Variants in STK36 observed in about 807,000 individuals in gnomAD.
The protein encoded by STK36 is serine/threonine-protein kinase 36.
STK36 carries 116 observed loss-of-function variants against 142.2 expected under a neutral mutation model. The observed-to-expected ratio is 0.82, with a 90% CI of 0.70 to 0.95. The LOEUF is 0.95. Ranked by LOEUF, STK36 falls within the 40% of genes least tolerant of loss-of-function variation. The probability of loss-of-function intolerance (pLI) is 0.00; values close to 1 mark genes in which losing one functional copy is unlikely to be tolerated. For synonymous variants in STK36, 619 were observed against 641.7 expected, an observed-to-expected ratio of 0.96 and a Z score of 0.53; for missense variants, 1,422 against 1,617.2, an observed-to-expected ratio of 0.88 and a Z score of 2.07.
At position 218,692,727 on chromosome 2, in the gene STK36, G is replaced by A. The variant is rs916101735; in HGVS notation, c.2043+17G>A. 13 of 1,605,738 alleles carry A rather than the reference G, an allele frequency of 8.1e-6. No individual in the cohort carries two copies. Among genetic ancestry groups the A allele is most frequent in the South Asian group, 2.2e-5 (2 of 89,892 alleles). On this transcript the variant is annotated intron_variant, in intron 16 of 26. Coordinates refer to ENST00000295709, the MANE Select transcript of STK36 (RefSeq NM_015690.5). ...AAGGAGCAGGTCCGAGCTACAATTG[G>A]TTGTTCCTCTCATCCTACTGCCAGA...
chr2:218,690,481 T>C lies in STK36; in HGVS notation c.1690T>C (p.Phe564Leu). The C allele has an allele frequency of 6.2e-7, 1 of 1,614,148 alleles. No individual in the cohort carries two copies. The highest frequency in any genetic ancestry group is 8.5e-7 in the Non-Finnish European group (1 of 1,180,024). Residue 564 changes from phenylalanine to leucine, a missense_variant, in exon 14 of 27, where the codon TTT (phenylalanine) becomes CTT (leucine). By Grantham distance (22) the Phe-to-Leu change is conservative. Transcript: ENST00000295709. The part of the protein sequence containing the change: ...LQVFQEAANL[F>L]LDLLGKLLAQ... ...GGTGTTTCAGGAGGCTGCCAACCTT[T>C]TTCTGGACCTGTTGGGGAAACTGCT...
chr2:218,683,361 G>C (rs1461108332), intron 10 of STK36, among the ~76,000 whole-genome samples: 1 of 150,778 alleles, frequency 6.6e-6, no homozygotes, highest in Non-Finnish European at 1.5e-5. Context: ...TGCAACCGCC[G>C]CCTCCCAGGT....
intron 10 of STK36, among the ~76,000 whole-genome samples, chr2:218,683,027 T>G (rs1940602879): frequency 6.6e-6 from 1 of 152,224 alleles, no homozygotes; most frequent in South Asian, 2.1e-4. Flanking sequence ...ATTGATTATT[T>G]CCTAATGAAT....
At chr2:218,682,566 C>G (rs1940575184) in intron 10 of STK36, among the ~76,000 whole-genome samples, 1 of 152,040 alleles carries the variant, frequency 6.6e-6, no homozygotes, top group African/African-American at 2.4e-5. Flanking sequence ...GCTCCATGAT[C>G]CAATCCAGTA....
At chr2:218,701,241 T>C (rs563929104) in intron 26 of STK36, among the ~76,000 whole-genome samples, 1 of 151,168 alleles carries the variant, frequency 6.6e-6, no homozygotes, top group Non-Finnish European at 1.5e-5. Context: ...TTCACGCCAT[T>C]CTGCCTCAGC....
chr2:218,690,456 G>T lies in STK36; in HGVS notation c.1665G>T (p.Gln555His). 2 of 1,614,048 alleles carry T rather than the reference G, an allele frequency of 1.2e-6. No homozygotes were observed. The highest frequency in any genetic ancestry group is 1.7e-6 in the Non-Finnish European group (2 of 1,179,970). The change falls in exon 14 of 27, where the codon CAG (glutamine) becomes CAT (histidine). Residue 555 changes from glutamine to histidine, a missense_variant. Transcript: ENST00000295709. ...LERSQTSDSL[Q>H]VFQEAANLFL... ...GCTCATTTTCCACCCCCAGCCTGCA[G>T]GTGTTTCAGGAGGCTGCCAACCTTT...
At chr2:218,683,337 C>T (rs1462081148) in intron 10 of STK36, among the ~76,000 whole-genome samples, 2 of 150,760 alleles carry the variant, frequency 1.3e-5, no homozygotes, top group Non-Finnish European at 2.9e-5. Context: ...TGCAGTGGCA[C>T]GATCTTGGCT....
chr2:218,686,582 A>C (rs1207252826), intron 11 of STK36, among the ~76,000 whole-genome samples: 1 of 152,116 alleles, frequency 6.6e-6, no homozygotes, highest in African/African-American at 2.4e-5. Context: ...ATTTACAGTT[A>C]ATCATTATTC....
chr2:218,677,375 G>A (rs1208391989), intron 6 of STK36, among the ~76,000 whole-genome samples: 4 of 152,248 alleles, frequency 2.6e-5, no homozygotes, highest in African/African-American at 9.6e-5. Context: ...TTCGACATGA[G>A]ATTTGGACGG....
In STK36 at chr2:218,699,189, T is replaced by C. The variant is rs770346965; in HGVS notation, c.3645T>C (p.Ala1215=). The part of the protein sequence containing the change: ...QAGIRRNVAS[A]LGNLGPEGLG... ...GTATCCGGCGCAATGTTGCATCAGC[T>C]CTGGGCAACTTGGGACCTGAAGGTT... Residue 1215 remains alanine, a synonymous_variant, in exon 26 of 27, where the codon GCT becomes GCC. Transcript: ENST00000295709. The C allele has an allele frequency of 5.6e-6, 9 of 1,614,050 alleles. No homozygotes were observed. The highest frequency in any genetic ancestry group is 3.3e-4 in the Middle Eastern group (2 of 6,062).
chr2:218,676,335 T>A (rs1940244812), intron 6 of STK36, 57 bp downstream of exon 6: 21 of 1,586,360 alleles, frequency 1.3e-5, no homozygotes, highest in Non-Finnish European at 1.6e-5. Flanking sequence ...TCCCTCTATC[T>A]CTGTTCCTTT....
rs548085864 is a variant in STK36 at position 218,699,408 on chromosome 2, C to A, written c.3804+60C>A. On this transcript the variant is annotated intron_variant, in intron 26 of 26. Coordinates refer to ENST00000295709, the MANE Select transcript of STK36 (RefSeq NM_015690.5). ...AGGGCCCCTATAGTTGACAACATTT[C>A]TCTGAGATCATCTGTAAGGAATTGG... 75 of 1,555,670 alleles carry A rather than the reference C, an allele frequency of 4.8e-5. No homozygotes were observed. The African/African-American group carries it at 7.1e-4, about 15-fold the overall frequency.
At chr2:218,689,785 C>G (rs1220526479) in intron 12 of STK36, 74 bp from the exon 13 acceptor site, 1 of 1,401,348 alleles carries the variant, frequency 7.1e-7, no homozygotes, top group African/African-American at 1.4e-5. Context: ...TCTATACACC[C>G]TTTCTACTGT....
At chr2:218,686,202 G>T (rs1940770843) in intron 11 of STK36, among the ~76,000 whole-genome samples, 1 of 152,046 alleles carries the variant, frequency 6.6e-6, no homozygotes, top group Non-Finnish European at 1.5e-5. Flanking sequence ...GCCTCCCAAA[G>T]TGCTGGGATT....
At chr2:218,696,397 C>A (rs1487009817) in intron 21 of STK36, 130 bp from the exon 22 acceptor site, 4 of 746,040 alleles carry the variant, frequency 5.4e-6, no homozygotes, top group Admixed American at 2.1e-5. Flanking sequence ...TTCCCCCAGG[C>A]CCCATATATT....
intron 2 of STK36, 123 bp downstream of exon 2, chr2:218,673,036 T>C (rs1201589728): frequency 1.2e-6 from 1 of 834,476 alleles, no homozygotes; most frequent in South Asian, 1.7e-5. Context: ...TCCCTCATAC[T>C]TCTTATGGAG....
At position 218,694,140 on chromosome 2, in the gene STK36, T is replaced by A; in HGVS notation, c.2337-124T>A. 8.5e-7 allele frequency: 1 copy of A among 1,175,060 alleles called. No individual in the cohort carries two copies. The highest frequency in any genetic ancestry group is 1.3e-5 in the South Asian group (1 of 78,914). The allele number at this position is 1,175,060 out of a possible 1,614,324, so 72.8% of individuals were successfully genotyped here. ...TACAAAGAACAGACCTAGACTCCCA[T>A]CAACTTTGTGCCTTGGAGGTAGACA... On this transcript the variant is annotated intron_variant, in intron 19 of 26. Transcript: ENST00000295709. The surrounding 1 kb of genome is among the most constrained non-coding windows in gnomAD (Gnocchi z 4.4).
At chr2:218,693,645 G>T in intron 17 of STK36, 78 bp from the exon 18 acceptor site, 1 of 1,331,236 alleles carries the variant, frequency 7.5e-7, no homozygotes, top group Non-Finnish European at 1.1e-6. Flanking sequence ...GGGGCTGGCC[G>T]GTGTTTCCGC....
intron 9 of STK36, 40 bp downstream of exon 9, chr2:218,680,120 C>T (rs755898429): frequency 2.5e-6 from 4 of 1,589,558 alleles, no homozygotes; most frequent in African/African-American, 2.7e-5. Flanking sequence ...GGTGAGGTAT[C>T]TTGCACATCT....
Sources: gnomAD v4.1 joint callset for allele counts (sites outside exome capture counted in the v4.1 genomes callset) on GRCh38, gnomAD v4.1.1 for gene constraint, Gnocchi (gnomAD v3.1) non-coding constraint, MANE v1.5 for transcripts, NCBI Gene and HGNC (gene_info 2026-07-23, HGNC 2026-07-21) for gene names.